Variants in GRIK4 observed in about 807,000 individuals in gnomAD.
GRIK4 encodes the protein glutamate receptor ionotropic, kainate 4.
A neutral mutation model predicts 104.9 loss-of-function variants in GRIK4; 40 were observed. The observed-to-expected ratio is 0.38, with a 90% CI of 0.30 to 0.50. The LOEUF is 0.50. Among genes scored for constraint, GRIK4 ranks in the 20% least tolerant of loss-of-function variants. The pLI, the probability that GRIK4 is intolerant of heterozygous loss-of-function variation, is 0.93. For synonymous variants in GRIK4, 485 were observed against 524.9 expected (o/e 0.92, Z 1.04); for missense variants, 1,047 against 1,308.1 (o/e 0.80, Z 3.08).
intron 8 of GRIK4, among the ~76,000 whole-genome samples, chr11:120,854,216 C>T (rs1954046994): frequency 6.6e-6 from 1 of 152,286 alleles, no homozygotes; most frequent in African/African-American, 2.4e-5. Context: ...CTCTCCCAGG[C>T]AGTTAGGGTC....
chr11:120,858,709 T>G (rs1178716838), intron 8 of GRIK4, among the ~76,000 whole-genome samples: 1 of 152,220 alleles, frequency 6.6e-6, no homozygotes, highest in Non-Finnish European at 1.5e-5. Flanking sequence ...AGGAACACAC[T>G]TTGATAAATA....
intron 1 of GRIK4, chr11:120,514,995 T>C (rs893899699): frequency 6.6e-6 from 3 of 456,568 alleles, no homozygotes; most frequent in African/African-American, 4.0e-5. Context: ...AGGGTAACGC[T>C]TCTCACAGGG....
chr11:120,866,039 A>G (rs1592005509), intron 9 of GRIK4, among the ~76,000 whole-genome samples: 1 of 151,862 alleles, frequency 6.6e-6, no homozygotes, highest in Non-Finnish European at 1.5e-5. Context: ...GTGAAACTTC[A>G]CTCACTCCTG....
At chr11:120,641,005 C>T (rs925851168) in intron 1 of GRIK4, among the ~76,000 whole-genome samples, 2 of 152,242 alleles carry the variant, frequency 1.3e-5, no homozygotes, top group African/African-American at 4.8e-5. Context: ...AGCCACCGCG[C>T]CCGGCCCAGA....
intron 9 of GRIK4, 53 bp downstream of exon 9, chr11:120,862,173 C>T (rs1954282818): frequency 6.7e-7 from 1 of 1,491,174 alleles, no homozygotes; most frequent in Admixed American, 1.8e-5. Flanking sequence ...GCACATTGCC[C>T]CTCTGTGGGC....
intron 19 of GRIK4, among the ~76,000 whole-genome samples, chr11:120,976,894 T>C (rs557332823): frequency 9.2e-5 from 14 of 152,230 alleles, no homozygotes; most frequent in Non-Finnish European, 1.8e-4. Flanking sequence ...CGTGGAGATA[T>C]GTGAGTGTTT....
At chr11:120,708,624 C>T (rs924595680) in intron 3 of GRIK4, among the ~76,000 whole-genome samples, 2 of 152,166 alleles carry the variant, frequency 1.3e-5, no homozygotes, top group Admixed American at 6.5e-5. Flanking sequence ...GGAACGTGAA[C>T]GGGCTCCAGA....
chr11:120,801,339 C>T (rs536683535), intron 3 of GRIK4, among the ~76,000 whole-genome samples: 1 of 152,334 alleles, frequency 6.6e-6, no homozygotes, highest in Admixed American at 6.5e-5. Flanking sequence ...GATTCTCCTA[C>T]CTCAGCCTCC....
At chr11:120,925,601 C>A (rs1336912300) in intron 13 of GRIK4, among the ~76,000 whole-genome samples, 1 of 152,148 alleles carries the variant, frequency 6.6e-6, no homozygotes, top group African/African-American at 2.4e-5. Context: ...AAATTCAGTG[C>A]CCCTTGTCCC....
At chr11:120,828,246 A>G (rs2135557557) in intron 6 of GRIK4, among the ~76,000 whole-genome samples, 1 of 152,362 alleles carries the variant, frequency 6.6e-6, no homozygotes, top group South Asian at 2.1e-4. Flanking sequence ...TTATGCACAT[A>G]CTGTATATTA....
chr11:120,957,917 C>A (rs1488358672), intron 16 of GRIK4, among the ~76,000 whole-genome samples: 1 of 152,158 alleles, frequency 6.6e-6, no homozygotes, highest in East Asian at 1.9e-4. Flanking sequence ...CCCTGATAAA[C>A]AACAAATGTA....
At chr11:120,653,499 C>T (rs1444766807) in intron 1 of GRIK4, among the ~76,000 whole-genome samples, 186 bp from the exon 2 acceptor site, 1 of 152,118 alleles carries the variant, frequency 6.6e-6, no homozygotes, top group East Asian at 1.9e-4. Flanking sequence ...ATAAATGGTG[C>T]CCCATGAGCT....
intron 11 of GRIK4, among the ~76,000 whole-genome samples, chr11:120,878,498 A>C (rs1049094364): frequency 6.6e-6 from 1 of 152,100 alleles, no homozygotes; most frequent in Non-Finnish European, 1.5e-5. Context: ...GTTGGATGGA[A>C]TCTGCTTCAG....
chr11:120,760,297 A>G (rs1591877909), intron 3 of GRIK4, among the ~76,000 whole-genome samples: 1 of 150,684 alleles, frequency 6.6e-6, no homozygotes, highest in East Asian at 1.9e-4. Flanking sequence ...AGGTCCGTCC[A>G]TGTTGTAACA....
intron 1 of GRIK4, among the ~76,000 whole-genome samples, chr11:120,616,506 A>T (rs1949116409): frequency 6.6e-6 from 1 of 152,184 alleles, no homozygotes; most frequent in African/African-American, 2.4e-5. Flanking sequence ...GGTCTGGAAG[A>T]TTTGACCCTA....
At chr11:120,852,440 G>A (rs1953995645) in intron 8 of GRIK4, among the ~76,000 whole-genome samples, 1 of 152,234 alleles carries the variant, frequency 6.6e-6, no homozygotes, top group African/African-American at 2.4e-5. Flanking sequence ...AAGGAATATG[G>A]TCTGCCTTTG....
chr11:120,619,740 C>T (rs1244615140), intron 1 of GRIK4, among the ~76,000 whole-genome samples: 2 of 152,160 alleles, frequency 1.3e-5, no homozygotes, highest in East Asian at 1.9e-4. Context: ...GCTTGCTCCT[C>T]CTTTGCCTTT....
intron 3 of GRIK4, among the ~76,000 whole-genome samples, chr11:120,665,017 T>G (rs1949887530): frequency 6.6e-6 from 1 of 152,146 alleles, no homozygotes; most frequent in Non-Finnish European, 1.5e-5. Flanking sequence ...TAACTGTAAT[T>G]TTTTACTTAG....
chr11:120,646,188 A>G (rs1380277808), intron 1 of GRIK4, among the ~76,000 whole-genome samples: 1 of 152,234 alleles, frequency 6.6e-6, no homozygotes, highest in African/African-American at 2.4e-5. Context: ...AATAATAGCA[A>G]TAATCACAAT....
Sources: gnomAD v4.1 joint callset for allele counts (sites outside exome capture counted in the v4.1 genomes callset) on GRCh38, gnomAD v4.1.1 for gene constraint, MANE v1.5 for transcripts, NCBI Gene and HGNC (gene_info 2026-07-23, HGNC 2026-07-21) for gene names.